ZMYM6: variants seen among roughly 807,000 people sequenced by gnomAD.
The protein encoded by ZMYM6 is zinc finger MYM-type containing 6, also known as zinc finger MYM-type protein 6.
Under a neutral mutation model 134.0 loss-of-function variants are expected in ZMYM6, and 90 were observed. The ratio of observed to expected loss-of-function variants is 0.67; its 90% CI spans 0.57 to 0.80. The LOEUF is 0.80. Ranked by LOEUF, ZMYM6 falls within the 30% of genes least tolerant of loss-of-function variation. The pLI is 0.00. For missense variants in ZMYM6, 1,362 were observed against 1,533.9 expected (o/e 0.89, Z 1.87); for synonymous variants, 481 against 524.1 (o/e 0.92, Z 1.12).
chr1:34,999,989 T>G (rs756391654), intron 14 of ZMYM6, among the ~76,000 whole-genome samples: 1 of 152,116 alleles, frequency 6.6e-6, no homozygotes, highest in Non-Finnish European at 1.5e-5. Context: ...AGTGCAATGG[T>G]GTGATCTCAG....
At chr1:35,006,560 G>C (rs745627638) in intron 12 of ZMYM6, among the ~76,000 whole-genome samples, 21 of 152,088 alleles carry the variant, frequency 1.4e-4, no homozygotes, top group Non-Finnish European at 3.1e-4. Flanking sequence ...TTTTACACTA[G>C]TCACAGCAAC....
intron 4 of ZMYM6, among the ~76,000 whole-genome samples, chr1:35,016,876 AT>A (rs1359785590): frequency 3.3e-5 from 5 of 151,786 alleles, no homozygotes; most frequent in Non-Finnish European, 5.9e-5. Flanking sequence ...ATGCTGGCTC[AT>A]GCCCATGGTC....
chr1:34,988,985 G>C (rs1406497109), intron 15 of ZMYM6, 50 bp from the exon 16 acceptor site: 3 of 1,568,624 alleles, frequency 1.9e-6, no homozygotes, highest in Admixed American at 4.1e-5. Context: ...AATAAGCAAT[G>C]TTCTTTATGT....
intron 4 of ZMYM6, chr1:35,017,539 T>A (rs1348967901): frequency 6.6e-6 from 1 of 152,202 alleles, no homozygotes; most frequent in East Asian, 1.9e-4. Context: ...CACATGCAAA[T>A]GAGTGTTATA....
rs553801966 is a variant in ZMYM6 at position 35,030,402 on chromosome 1, T to C, written c.93+145A>G. 4.2e-6 allele frequency: 3 copies of C among 720,230 alleles called. No individual in the cohort carries two copies. The East Asian group carries it at 8.1e-5, about 19-fold the overall frequency. The allele number at this position is 720,230 out of a possible 1,614,324, so 44.6% of individuals were successfully genotyped here. ...AGCTAAGGAGATCGCACCACTGCAC[T>C]ACACCCTCAGCGACAGCGAGAGCCT... On this transcript the variant is annotated intron_variant, in intron 2 of 15. Coordinates refer to ENST00000357182, the MANE Select transcript of ZMYM6 (RefSeq NM_007167.4).
chr1:35,025,035 ATTT>A (rs1280314260), intron 2 of ZMYM6, among the ~76,000 whole-genome samples: 3 of 151,874 alleles, frequency 2.0e-5, no homozygotes, highest in African/African-American at 7.2e-5. Context: ...AGCCTGGCTA[ATTT>A]TTTTGTATTT....
intron 2 of ZMYM6, among the ~76,000 whole-genome samples, chr1:35,026,166 G>A (rs984034908): frequency 2.0e-5 from 3 of 151,860 alleles, no homozygotes; most frequent in Admixed American, 1.3e-4. Context: ...GATGACAGGC[G>A]CCCACCACCG....
intron 6 of ZMYM6, among the ~76,000 whole-genome samples, chr1:35,013,987 C>G (rs1490929683): frequency 1.3e-5 from 2 of 152,130 alleles, no homozygotes; most frequent in Admixed American, 1.3e-4. Flanking sequence ...ACCGCGCCGG[C>G]CTTACAAGAT....
chr1:35,002,136 T>C (rs1011591166), intron 14 of ZMYM6, among the ~76,000 whole-genome samples: 3 of 152,208 alleles, frequency 2.0e-5, no homozygotes, highest in Non-Finnish European at 4.4e-5. Flanking sequence ...CCAGTTGCTT[T>C]TGTTCTTCTA....
intron 12 of ZMYM6, 76 bp downstream of exon 12, chr1:35,006,870 TTATTA>T: frequency 8.1e-7 from 1 of 1,234,804 alleles, no homozygotes; most frequent in Non-Finnish European, 1.0e-6. Context: ...AATTTTGTTT[TTATTA>T]TATTATTTAT....
intron 4 of ZMYM6, among the ~76,000 whole-genome samples, chr1:35,016,325 A>G (rs1474236723): frequency 1.3e-5 from 2 of 152,230 alleles, no homozygotes; most frequent in Non-Finnish European, 2.9e-5. Flanking sequence ...GACAAAAAAT[A>G]AGCATGATAT....
In ZMYM6 at chr1:34,986,267, C is replaced by A. The variant is rs1044905103; in HGVS notation, c.*837G>T. The A allele has an allele frequency of 6.6e-6, 1 of 152,170 alleles. No individual in the cohort carries two copies. Among genetic ancestry groups the A allele is most frequent in the Admixed American group, 6.5e-5 (1 of 15,288 alleles). 9.4% of individuals were successfully genotyped at this position (152,170 alleles called of 1,614,324 possible). On this transcript the variant is annotated 3_prime_UTR_variant, in exon 16 of 16. Coordinates refer to ENST00000357182, the MANE Select transcript of ZMYM6 (RefSeq NM_007167.4). ...CAACTGCAGAATTGAGTAGTTGTGA[C>A]AGTATGGCCTGCAAAGCTGAAAATA...
chr1:34,993,746 T>A (rs1256317074), intron 14 of ZMYM6, among the ~76,000 whole-genome samples: 3 of 151,908 alleles, frequency 2.0e-5, no homozygotes, highest in African/African-American at 7.3e-5. Context: ...TGCAGTGGCA[T>A]GATCTCAGCT....
intron 6 of ZMYM6, 191 bp from the exon 7 acceptor site, chr1:35,012,772 A>C (rs1434341815): frequency 2.0e-6 from 2 of 985,280 alleles, no homozygotes; most frequent in Admixed American, 6.1e-5. Context: ...AAACTGAAGA[A>C]AATTAGTAAC....
rs1285894669 is a variant in ZMYM6 at position 35,011,993 on chromosome 1, G to A, written c.959C>T (p.Ser320Leu). Residue 320 changes from serine (S) to leucine (L), a missense_variant, in exon 8 of 16, where the codon TCA becomes TTA. Physicochemically the swap from Ser to Leu is moderately radical, Grantham distance 145 (BLOSUM62 -2). Coordinates refer to ENST00000357182, the MANE Select transcript of ZMYM6 (RefSeq NM_007167.4). ...TGCTGAGGTTTTACAACTATGACAT[G>A]AAACCTGGACACCTTGGTGACAAAA... ...KTVTSSGVQV[S>L]CHSCKTSAIP... The A allele has an allele frequency of 6.2e-7, 1 of 1,602,118 alleles. No individual in the cohort carries two copies. Among genetic ancestry groups the A allele is most frequent in the East Asian group, 2.2e-5 (1 of 44,700 alleles).
At position 34,988,049 on chromosome 1, in the gene ZMYM6, A is replaced by T; in HGVS notation, c.3033T>A (p.Phe1011Leu). Residue 1011 changes from phenylalanine (F) to leucine (L), a missense_variant, in exon 16 of 16, where the codon TTT becomes TTA. Transcript: ENST00000357182. The stretch of plus-strand genomic sequence containing the variant: ...CTGCCACTAAACGTTCACGGTGAAT[A>T]AAACAATGTGTAAATGCCGCTGTAT... ...AMNTAAFTHC[F>L]IHRERLVAEK... 6.4e-7 allele frequency: 1 copy of T among 1,551,580 alleles called. No individual in the cohort carries two copies. The highest frequency in any genetic ancestry group is 8.7e-7 in the Non-Finnish European group (1 of 1,146,950).
chr1:35,020,472 A>G lies in ZMYM6; in HGVS notation c.94-5T>C, dbSNP rs200318409. On this transcript the variant is annotated splice_polypyrimidine_tract_variant and splice_region_variant and intron_variant, in intron 2 of 15. Transcript: ENST00000357182. ...CTGTTGGACACATCCATACTCCTTT[A>G]AAAAAAAAAAGAAAAGAGAAAAGAG... The G allele has an allele frequency of 4.0e-6, 3 of 748,296 alleles. No individual in the cohort carries two copies. The highest frequency in any genetic ancestry group is 5.0e-6 in the Non-Finnish European group (3 of 597,468). 46.4% of individuals were successfully genotyped at this position (748,296 alleles called of 1,614,324 possible).
At position 35,020,398 on chromosome 1, in the gene ZMYM6, T is replaced by C; in HGVS notation, c.163A>G (p.Asn55Asp). The change falls in exon 3 of 16, where the codon AAT (asparagine) becomes GAT (aspartate). Residue 55 changes from asparagine (N) to aspartate (D), a missense_variant. By Grantham distance (23) the Asn-to-Asp change is conservative (BLOSUM62 1). Transcript: ENST00000357182. ...KLKIGGVSSV[N>D]ERPIAQQLNP... ...CATTTCTTACCAATAGGTCTCTCATTAACTGAAGACACACCACCAATTTTC... is the reference window on the plus strand; with the variant it reads ...CATTTCTTACCAATAGGTCTCTCATCAACTGAAGACACACCACCAATTTTC... 1 of 1,612,764 alleles carries C rather than the reference T, an allele frequency of 6.2e-7. No homozygotes were observed.
chr1:35,017,405 A>T (rs1641223793), intron 4 of ZMYM6: 1 of 152,236 alleles, frequency 6.6e-6, no homozygotes, highest in Non-Finnish European at 1.5e-5. Flanking sequence ...AGTTTCACTT[A>T]ATAAGGTGAA....
Sources: gnomAD v4.1 joint callset for allele counts (sites outside exome capture counted in the v4.1 genomes callset) on GRCh38, gnomAD v4.1.1 for gene constraint, MANE v1.5 for transcripts, NCBI Gene and HGNC (gene_info 2026-07-23, HGNC 2026-07-21) for gene names.